Variants in NELL1 observed in about 807,000 individuals in gnomAD.
The protein encoded by NELL1 is protein kinase C-binding protein NELL1.
NELL1 carries 76 observed loss-of-function variants against 107.4 expected under a neutral mutation model. The observed-to-expected ratio is 0.71, with a 90% CI of 0.59 to 0.86. The LOEUF (loss-of-function observed/expected upper bound fraction) is 0.86. NELL1 is among the 40% of genes least tolerant of loss of function. NELL1 has a pLI of 0.00. For missense variants in NELL1, 1,024 were observed against 1,005.5 expected (o/e 1.02, Z -0.25); for synonymous variants, 353 against 341.2 (o/e 1.03, Z -0.38).
At chr11:21,450,625 T>A (rs1853553764) in intron 15 of NELL1, among the ~76,000 whole-genome samples, 1 of 152,198 alleles carries the variant, frequency 6.6e-6, no homozygotes, top group Admixed American at 6.5e-5. Flanking sequence ...AAAGTTATTG[T>A]ACATACAGAT....
intron 2 of NELL1, among the ~76,000 whole-genome samples, chr11:20,698,806 C>G (rs1459771533): frequency 1.3e-5 from 2 of 152,138 alleles, no homozygotes; most frequent in Non-Finnish European, 2.9e-5. Context: ...CCTACCCTTC[C>G]CCACAAGTCC....
intron 2 of NELL1, among the ~76,000 whole-genome samples, chr11:20,767,014 G>C (rs1208715851): frequency 6.6e-6 from 1 of 152,190 alleles, no homozygotes; most frequent in Non-Finnish European, 1.5e-5. Flanking sequence ...AGACTGCTGG[G>C]ATTACAGGTG....
intron 12 of NELL1, among the ~76,000 whole-genome samples, chr11:21,006,390 T>G (rs1251317814): frequency 2.0e-5 from 3 of 152,132 alleles, no homozygotes. Context: ...TCCCTTAACC[T>G]TGGACTTTTC....
intron 3 of NELL1, among the ~76,000 whole-genome samples, chr11:20,786,467 G>A (rs1590293005): frequency 6.6e-6 from 1 of 152,070 alleles, no homozygotes; most frequent in East Asian, 1.9e-4. Flanking sequence ...ATATATCTGA[G>A]TCACACAGCA....
intron 12 of NELL1, among the ~76,000 whole-genome samples, chr11:21,082,504 C>T (rs964051058): frequency 6.6e-6 from 1 of 152,126 alleles, no homozygotes; most frequent in African/African-American, 2.4e-5. Context: ...ACTGCTAGTT[C>T]TTTCTCTCCA....
intron 15 of NELL1, among the ~76,000 whole-genome samples, chr11:21,371,774 T>C (rs1437224584): frequency 6.6e-6 from 1 of 152,074 alleles, no homozygotes; most frequent in Non-Finnish European, 1.5e-5. Context: ...AAAATGGAAA[T>C]AGGATGTCGC....
chr11:21,133,564 G>C (rs1405412159), intron 13 of NELL1, among the ~76,000 whole-genome samples: 1 of 152,182 alleles, frequency 6.6e-6, no homozygotes, highest in East Asian at 1.9e-4. Flanking sequence ...AGTGCCCAAA[G>C]TCCAGAAGGG....
At chr11:21,337,662 C>T (rs754986545) in intron 14 of NELL1, among the ~76,000 whole-genome samples, 9 of 152,180 alleles carry the variant, frequency 5.9e-5, no homozygotes, top group African/African-American at 7.2e-5. Flanking sequence ...CTCTGACCCA[C>T]GAATTATTTC....
intron 3 of NELL1, among the ~76,000 whole-genome samples, chr11:20,815,941 T>A (rs1406983343): frequency 6.6e-6 from 1 of 152,196 alleles, no homozygotes; most frequent in East Asian, 1.9e-4. Context: ...TTTTGTCAAC[T>A]TTACCAAAGA....
chr11:21,120,044 A>T (rs1428179792), intron 13 of NELL1, among the ~76,000 whole-genome samples: 1 of 152,122 alleles, frequency 6.6e-6, no homozygotes, highest in Non-Finnish European at 1.5e-5. Context: ...TGAGATAACA[A>T]ATATCCCATG....
intron 14 of NELL1, among the ~76,000 whole-genome samples, chr11:21,303,299 A>G (rs1849538196): frequency 2.0e-5 from 3 of 152,032 alleles, no homozygotes; most frequent in Admixed American, 2.0e-4. Flanking sequence ...TTTAAGATAT[A>G]TTGCAAATTG....
At chr11:20,722,893 G>T (rs1855424720) in intron 2 of NELL1, among the ~76,000 whole-genome samples, 1 of 152,152 alleles carries the variant, frequency 6.6e-6, no homozygotes, top group Non-Finnish European at 1.5e-5. Context: ...GTTTTGCTTG[G>T]CTGGGGTGGC....
intron 14 of NELL1, among the ~76,000 whole-genome samples, chr11:21,306,074 T>C (rs1849599049): frequency 6.6e-6 from 1 of 151,970 alleles, no homozygotes; most frequent in African/African-American, 2.4e-5. Flanking sequence ...GTTGAGATTA[T>C]ATTTATTAGC....
At chr11:21,458,374 C>T (rs1483587758) in intron 15 of NELL1, among the ~76,000 whole-genome samples, 4 of 151,982 alleles carry the variant, frequency 2.6e-5, no homozygotes, top group African/African-American at 9.7e-5. Context: ...GAATTCCACC[C>T]TGTAGATATA....
chr11:20,880,897 C>T (rs571829261), intron 4 of NELL1, among the ~76,000 whole-genome samples: 24 of 152,220 alleles, frequency 1.6e-4, no homozygotes, highest in African/African-American at 5.5e-4. Context: ...GGGAAAGAGA[C>T]AGCATGGAAG....
At chr11:21,333,332 GT>G (rs1039634476) in intron 14 of NELL1, among the ~76,000 whole-genome samples, 30 of 151,990 alleles carry the variant, frequency 2.0e-4, no homozygotes, top group African/African-American at 7.2e-4. Context: ...CTAGGTTACG[GT>G]TAAGGTGAAA....
At chr11:20,888,225 G>A (rs768900163) in intron 5 of NELL1, among the ~76,000 whole-genome samples, 7 of 151,990 alleles carry the variant, frequency 4.6e-5, no homozygotes, top group Non-Finnish European at 8.8e-5. Flanking sequence ...TAAACTAATA[G>A]TAGTGCTTCA....
At chr11:21,566,454 A>G (rs536360441) in intron 17 of NELL1, among the ~76,000 whole-genome samples, 5 of 151,580 alleles carry the variant, frequency 3.3e-5, no homozygotes, top group African/African-American at 1.2e-4. Context: ...GAAAAAATGT[A>G]TTTTTTTTAC....
intron 7 of NELL1, among the ~76,000 whole-genome samples, chr11:20,925,185 T>G (rs1850466844): frequency 6.6e-6 from 1 of 152,182 alleles, no homozygotes; most frequent in African/African-American, 2.4e-5. Flanking sequence ...ATCACCAAAC[T>G]CAGCAGTGTA....
Sources: allele counts gnomAD v4.1 joint callset (sites outside exome capture counted in the v4.1 genomes callset), GRCh38; gene constraint gnomAD v4.1.1; transcripts MANE v1.5; gene names NCBI Gene and HGNC (gene_info 2026-07-23, HGNC 2026-07-21).